The following AP3B1 variants were observed in gnomAD, a reference collection of about 807,000 sequenced individuals.
The protein encoded by AP3B1 is AP-3 complex subunit beta-1.
Under a neutral mutation model 132.5 loss-of-function variants are expected in AP3B1, and 61 were observed. The ratio of observed to expected loss-of-function variants is 0.46; its 90% CI spans 0.37 to 0.57. AP3B1 has a LOEUF of 0.57. Among genes scored for constraint, AP3B1 ranks in the 20% least tolerant of loss-of-function variants. The pLI is 0.00. For missense variants in AP3B1, 1,120 were observed against 1,289.4 expected (o/e 0.87, Z 2.01); for synonymous variants, 388 against 438.3 (o/e 0.89, Z 1.43).
At chr5:78,091,655 T>C (rs1355331364) in intron 21 of AP3B1, among the ~76,000 whole-genome samples, 1 of 152,198 alleles carries the variant, frequency 6.6e-6, no homozygotes, top group Non-Finnish European at 1.5e-5. Flanking sequence ...GCCAGTTAAT[T>C]GTTGGATAAC....
At chr5:78,273,270 T>G (rs1347284143) in intron 1 of AP3B1, among the ~76,000 whole-genome samples, 1 of 152,014 alleles carries the variant, frequency 6.6e-6, no homozygotes, top group Non-Finnish European at 1.5e-5. Context: ...CCAGGTGTGG[T>G]GACATGCGCC....
At chr5:78,063,450 C>T (rs1749146254) in intron 22 of AP3B1, among the ~76,000 whole-genome samples, 1 of 152,232 alleles carries the variant, frequency 6.6e-6, no homozygotes, top group South Asian at 2.1e-4. Flanking sequence ...CAGCAATTGA[C>T]AAAATGTAAA....
intron 14 of AP3B1, among the ~76,000 whole-genome samples, chr5:78,143,438 A>G (rs1408901175): frequency 6.6e-6 from 1 of 152,140 alleles, no homozygotes; most frequent in African/African-American, 2.4e-5. Flanking sequence ...ATCCCCAAGA[A>G]TTTTTAAAAC....
At chr5:78,184,138 C>G (rs1383602535) in intron 7 of AP3B1, among the ~76,000 whole-genome samples, 1 of 150,694 alleles carries the variant, frequency 6.6e-6, no homozygotes, top group Non-Finnish European at 1.5e-5. Context: ...CACTGCACTC[C>G]AGCCTGGGTG....
intron 17 of AP3B1, among the ~76,000 whole-genome samples, chr5:78,127,267 A>G (rs1752501631): frequency 6.6e-6 from 1 of 152,222 alleles, no homozygotes; most frequent in African/African-American, 2.4e-5. Context: ...CTTTTCCACC[A>G]GAAAAGTATC....
intron 17 of AP3B1, among the ~76,000 whole-genome samples, 171 bp from the exon 18 acceptor site, chr5:78,116,405 TACA>T (rs1397225746): frequency 6.6e-6 from 1 of 152,192 alleles, no homozygotes; most frequent in Admixed American, 6.5e-5. Flanking sequence ...TACTCCTAAA[TACA>T]ACAACACAAA....
intron 15 of AP3B1, among the ~76,000 whole-genome samples, chr5:78,136,735 T>C (rs546361200): frequency 6.3e-4 from 96 of 152,138 alleles, no homozygotes; most frequent in African/African-American, 2.3e-3. Flanking sequence ...TTTTTTAGGT[T>C]CCTTTTTAAA....
At chr5:78,278,017 T>G (rs1342591845) in intron 1 of AP3B1, among the ~76,000 whole-genome samples, 2 of 152,156 alleles carry the variant, frequency 1.3e-5, no homozygotes, top group African/African-American at 4.8e-5. Context: ...CTCAGGAGAT[T>G]AGGAATGTCT....
intron 1 of AP3B1, among the ~76,000 whole-genome samples, chr5:78,279,869 T>TATATATATATGACTTAA (rs1748968901): frequency 1.9e-4 from 21 of 109,850 alleles, no homozygotes; most frequent in Middle Eastern, 5.3e-3. Context: ...AGGACTTAAA[T>TATATATATATGACTTAA]ATATATATAT....
intron 25 of AP3B1, among the ~76,000 whole-genome samples, chr5:78,017,017 A>G (rs1364006426): frequency 6.6e-6 from 1 of 152,128 alleles, no homozygotes; most frequent in Non-Finnish European, 1.5e-5. Context: ...GCATGTAATT[A>G]AAGGAAATGT....
intron 15 of AP3B1, among the ~76,000 whole-genome samples, chr5:78,133,184 T>C (rs1752759238): frequency 6.6e-6 from 1 of 152,218 alleles, no homozygotes; most frequent in African/African-American, 2.4e-5. Context: ...CATTGTTAAA[T>C]ACTCATCTCT....
intron 1 of AP3B1, among the ~76,000 whole-genome samples, chr5:78,278,041 T>TA (rs1264837487): frequency 3.3e-5 from 5 of 152,204 alleles, no homozygotes; most frequent in Non-Finnish European, 4.4e-5. Context: ...AGAATGTGAC[T>TA]ATTCAGTAGT....
intron 22 of AP3B1, among the ~76,000 whole-genome samples, chr5:78,062,234 G>A (rs967768558): frequency 1.3e-5 from 2 of 152,270 alleles, no homozygotes; most frequent in African/African-American, 4.8e-5. Context: ...TAGGTAACCT[G>A]AATGTTTATT....
chr5:78,232,376 C>T (rs1393326450), intron 3 of AP3B1, among the ~76,000 whole-genome samples: 1 of 152,084 alleles, frequency 6.6e-6, no homozygotes, highest in East Asian at 1.9e-4. Context: ...GAAAGTTAGC[C>T]AGTCAGGAAC....
Position 78,113,919 on chromosome 5 carries a change from ACT to A in AP3B1, c.2080_2081del (p.Ser694Ter). 6.2e-7 allele frequency: 1 copy of A among 1,613,606 alleles called. No individual in the cohort carries two copies. The highest frequency in any genetic ancestry group is 8.5e-7 in the Non-Finnish European group (1 of 1,179,870). On this transcript the variant is annotated frameshift_variant and splice_region_variant, in exon 19 of 27. Coordinates refer to ENST00000255194, the MANE Select transcript of AP3B1 (RefSeq NM_003664.5). LOFTEE classifies it high-confidence loss of function. ...GTTCTCCACTTTCACTTCCAGATTC[ACT>A]CTCTGAAAAACAGAACCAGATGTTC... is the stretch of plus-strand genomic sequence containing the variant. ...DSSDSSSDSESESGSESGEQG... is the reference protein window; with the variant it reads ...DSSDSSSDSEXESGSESGEQG...
At chr5:78,021,506 C>CT (rs1311517635) in intron 24 of AP3B1, among the ~76,000 whole-genome samples, 5 of 152,062 alleles carry the variant, frequency 3.3e-5, no homozygotes, top group Admixed American at 3.3e-4. Flanking sequence ...CTAAAATTGT[C>CT]TAAAAAATTT....
At chr5:78,263,655 T>C (rs781612619) in intron 2 of AP3B1, among the ~76,000 whole-genome samples, 1 of 152,216 alleles carries the variant, frequency 6.6e-6, no homozygotes, top group Non-Finnish European at 1.5e-5. Flanking sequence ...AACAGATAGG[T>C]TGAGGTAGTT....
intron 22 of AP3B1, among the ~76,000 whole-genome samples, chr5:78,055,305 T>A (rs775215001): frequency 2.0e-5 from 3 of 152,160 alleles, no homozygotes. Context: ...TCCTCAGAAG[T>A]AAGAATGGTT....
intron 19 of AP3B1, among the ~76,000 whole-genome samples, chr5:78,113,483 A>T (rs990449266): frequency 1.3e-5 from 2 of 152,208 alleles, no homozygotes; most frequent in Non-Finnish European, 2.9e-5. Flanking sequence ...TTTCATACCT[A>T]TTGCTTGATC....
Sources: gnomAD v4.1 joint callset for allele counts (sites outside exome capture counted in the v4.1 genomes callset) on GRCh38, gnomAD v4.1.1 for gene constraint, MANE v1.5 for transcripts, NCBI Gene and HGNC (gene_info 2026-07-23, HGNC 2026-07-21) for gene names.